Variants in NEO1 observed in about 807,000 individuals in gnomAD.
The protein encoded by NEO1 is neogenin 1.
A neutral mutation model predicts 159.7 loss-of-function variants in NEO1; 63 were observed. That is an observed-to-expected ratio of 0.39 (90% CI 0.32 to 0.49). The LOEUF (loss-of-function observed/expected upper bound fraction) is 0.49, where lower values mean the gene tolerates loss of function less well. Ranked by LOEUF, NEO1 falls within the 20% of genes least tolerant of loss-of-function variation. The pLI is 0.85. For missense variants in NEO1, 1,615 were observed against 1,831.0 expected (o/e 0.88, Z 2.15); for synonymous variants, 633 against 662.0 (o/e 0.96, Z 0.67).
At chr15:73,243,965 A>G (rs911734479) in intron 8 of NEO1, among the ~76,000 whole-genome samples, 1 of 152,178 alleles carries the variant, frequency 6.6e-6, no homozygotes, top group Non-Finnish European at 1.5e-5. Context: ...GTGAAATATC[A>G]TTAGGTCATA....
chr15:73,197,830 A>G (rs543442517), intron 7 of NEO1, among the ~76,000 whole-genome samples: 1 of 151,620 alleles, frequency 6.6e-6, no homozygotes, highest in South Asian at 2.1e-4. Flanking sequence ...ACAGGCACCC[A>G]CTACCATGCC....
intron 7 of NEO1, among the ~76,000 whole-genome samples, chr15:73,222,927 T>C (rs925539329): frequency 6.6e-6 from 1 of 152,222 alleles, no homozygotes; most frequent in Admixed American, 6.5e-5. Flanking sequence ...CTATGAACTT[T>C]CCTTTTAGCA....
Position 73,220,937 on chromosome 15 carries a change from T to G in NEO1, c.1292-15410T>G, listed in dbSNP as rs2038215824. ...TTCTTCTCTCAACTCATCAAAGTCA[T>G]TCTCTATCCAGCTTTGTTCCATTGC... On this transcript the variant is annotated intron_variant, in intron 7 of 28. Coordinates refer to ENST00000261908, the MANE Select transcript of NEO1 (RefSeq NM_002499.4). Among the ~76,000 whole-genome samples the G allele has an allele frequency of 2.0e-5, 3 of 152,238 alleles. No homozygotes were observed. In the South Asian group the frequency reaches 6.2e-4, roughly 31 times the overall value.
chr15:73,224,139 C>G (rs1472880347), intron 7 of NEO1, among the ~76,000 whole-genome samples: 1 of 152,186 alleles, frequency 6.6e-6, no homozygotes, highest in African/African-American at 2.4e-5. Context: ...CCAATCCCTT[C>G]TAGCTTCTAG....
At position 73,304,950 on chromosome 15, in the gene NEO1, G is replaced by T. The variant is rs201008044; in HGVS notation, c.*2254G>T. The stretch of plus-strand genomic sequence containing the variant: ...TTTCTTACATTTTCCTGTGATTTTC[G>T]AAACTAAACCATTGTGTGTCCTGTA... On this transcript the variant is annotated 3_prime_UTR_variant, in exon 29 of 29. Coordinates refer to ENST00000261908, the MANE Select transcript of NEO1 (RefSeq NM_002499.4). 4.0e-5 allele frequency: 6 copies of T among 151,806 alleles called. No individual in the cohort carries two copies. In the East Asian group the frequency reaches 5.8e-4, roughly 15 times the overall value. 9.4% of individuals were successfully genotyped at this position (151,806 alleles called of 1,614,324 possible). A position where few individuals can be genotyped will look rare whatever the true frequency, so the allele number is the denominator to read the frequency against.
intron 7 of NEO1, among the ~76,000 whole-genome samples, chr15:73,183,890 T>G (rs911053361): frequency 3.9e-5 from 6 of 152,218 alleles, no homozygotes; most frequent in African/African-American, 1.4e-4. Context: ...AATTCCTGAC[T>G]AGATTAACTA....
chr15:73,126,669 T>C (rs1238798670), intron 4 of NEO1, 99 bp downstream of exon 4: 3 of 1,087,126 alleles, frequency 2.8e-6, no homozygotes, highest in African/African-American at 1.6e-5. Flanking sequence ...TTATCAACTT[T>C]ATTTAAACAC....
intron 7 of NEO1, among the ~76,000 whole-genome samples, chr15:73,182,411 A>G (rs1267366248): frequency 6.6e-6 from 1 of 152,192 alleles, no homozygotes; most frequent in Non-Finnish European, 1.5e-5. Flanking sequence ...TTCTCACCAC[A>G]TAAAGAGCTT....
intron 7 of NEO1, among the ~76,000 whole-genome samples, chr15:73,179,863 G>GTATATATA (rs200048014): frequency 9.5e-4 from 141 of 147,924 alleles, no homozygotes; most frequent in African/African-American, 3.3e-3. Context: ...TAAATAATAT[G>GTATATATA]TATATATATA....
intron 11 of NEO1, among the ~76,000 whole-genome samples, chr15:73,252,051 AAAC>A (rs1307909061): frequency 6.6e-6 from 1 of 152,176 alleles, no homozygotes; most frequent in East Asian, 1.9e-4. Flanking sequence ...AATTTTTTCA[AAAC>A]ACATGTGCCT....
intron 1 of NEO1, among the ~76,000 whole-genome samples, chr15:73,083,720 C>T (rs964916660): frequency 2.0e-5 from 3 of 151,986 alleles, no homozygotes; most frequent in East Asian, 1.9e-4. Context: ...TTATTTTCTT[C>T]GTTATTCTGC....
In NEO1 at chr15:73,142,128, T is replaced by G. The variant is rs2032453218; in HGVS notation, c.1015+6101T>G. On this transcript the variant is annotated intron_variant, in intron 5 of 28. Coordinates refer to ENST00000261908, the MANE Select transcript of NEO1 (RefSeq NM_002499.4). ...GAAGAGCCAGCATAAAGCACTTTTA[T>G]TGTAATAATAAAATTGGAAACTCAT... 4.6e-5 allele frequency among the ~76,000 whole-genome samples: 7 copies of G among 152,140 alleles called. No homozygotes were observed. The South Asian group carries it at 1.5e-3, about 32-fold the overall frequency.
intron 5 of NEO1, among the ~76,000 whole-genome samples, chr15:73,158,019 C>T (rs768340119): frequency 1.3e-5 from 2 of 151,914 alleles, no homozygotes; most frequent in Non-Finnish European, 2.9e-5. Flanking sequence ...AGTTTGAGAC[C>T]AGCCTGGCCA....
chr15:73,228,890 T>A (rs1017015419), intron 7 of NEO1, among the ~76,000 whole-genome samples: 1 of 152,184 alleles, frequency 6.6e-6, no homozygotes, highest in Non-Finnish European at 1.5e-5. Context: ...TGACCACAAA[T>A]ATAAGGGTTT....
rs1221971618 is a variant in NEO1 at position 73,185,628 on chromosome 15, A to G, written c.1291+7201A>G. ...TAAAATTTAGCAGTTGTGCTCCTTG[A>G]TGTTTACCCAGATGAGTTGAAAATT... On this transcript the variant is annotated intron_variant, in intron 7 of 28. Coordinates refer to ENST00000261908, the MANE Select transcript of NEO1 (RefSeq NM_002499.4). Among the ~76,000 whole-genome samples the G allele has an allele frequency of 2.0e-5, 3 of 152,208 alleles. No individual in the cohort carries two copies. In the East Asian group the frequency reaches 5.8e-4, roughly 29 times the overall value.
At chr15:73,269,833 A>G (rs576715714) in intron 16 of NEO1, among the ~76,000 whole-genome samples, 177 bp from the exon 17 acceptor site, 2 of 152,354 alleles carry the variant, frequency 1.3e-5, no homozygotes, top group Non-Finnish European at 2.9e-5. Flanking sequence ...TTTTCCTGAA[A>G]GAACACAAGT....
chr15:73,252,847 G>A (rs2040147554), intron 11 of NEO1, among the ~76,000 whole-genome samples: 1 of 152,016 alleles, frequency 6.6e-6, no homozygotes, highest in South Asian at 2.1e-4. Flanking sequence ...AAAATTAGCC[G>A]GGCGTGGTAG....
chr15:73,103,962 C>T (rs911602098), intron 1 of NEO1, among the ~76,000 whole-genome samples: 8 of 152,128 alleles, frequency 5.3e-5, no homozygotes, highest in Non-Finnish European at 1.2e-4. Flanking sequence ...TCAAGCAGTC[C>T]TCTCACCACA....
chr15:73,170,980 C>A (rs529630472), intron 5 of NEO1, among the ~76,000 whole-genome samples: 1 of 150,352 alleles, frequency 6.7e-6, no homozygotes, highest in Non-Finnish European at 1.5e-5. Context: ...GCACATGGAA[C>A]TGCCTATGAA....
Sources: gnomAD v4.1 joint callset for allele counts (sites outside exome capture counted in the v4.1 genomes callset) on GRCh38, gnomAD v4.1.1 for gene constraint, MANE v1.5 for transcripts, NCBI Gene and HGNC (gene_info 2026-07-23, HGNC 2026-07-21) for gene names.